DYNLL1: variants seen among roughly 807,000 people sequenced by gnomAD.
DYNLL1 encodes the protein dynein light chain LC8-type 1, also known as dynein light chain 1, cytoplasmic.
In DYNLL1, 3 loss-of-function variants were observed where a neutral mutation model predicts 10.1. The observed-to-expected ratio is 0.30, with a 90% CI of 0.14 to 0.77. The LOEUF (loss-of-function observed/expected upper bound fraction) is 0.77, where lower values mean the gene tolerates loss of function less well. Among genes scored for constraint, DYNLL1 ranks in the 30% least tolerant of loss-of-function variants. DYNLL1 has a pLI of 0.66. For missense variants in DYNLL1, 47 were observed against 111.7 expected (o/e 0.42, Z 2.61); for synonymous variants, 46 against 41.2 (o/e 1.12, Z -0.45).
rs1481700249 is a variant in DYNLL1, at chr12:120,479,465, A to ATAAT, written c.-7+9361_-7+9362insTAAT. Among the ~76,000 whole-genome samples, 178 of 125,024 alleles carry ATAAT rather than the reference A, an allele frequency of 1.4e-3. 1 individual carries two copies. Among genetic ancestry groups the ATAAT allele is most frequent in the African/African-American group, 4.5e-3 (160 of 35,184 alleles). The allele number at this position is 125,024 out of a possible 152,430, so 82.0% of individuals were successfully genotyped here. A position where few individuals can be genotyped will look rare whatever the true frequency, so the allele number is the denominator to read the frequency against. ...CTCCGTCTCCAAAAAAAAAAAAAAA[A>ATAAT]AAAAATAATAATAATAATAATAATA... is the stretch of plus-strand genomic sequence containing the variant. On this transcript the variant is annotated intron_variant, in intron 1 of 2. Coordinates refer to the DYNLL1 transcript ENST00000392509.
intron 1 of DYNLL1, among the ~76,000 whole-genome samples, chr12:120,480,764 C>CTTT (rs770507117): frequency 7.1e-6 from 1 of 141,432 alleles, no homozygotes; most frequent in Admixed American, 7.1e-5. Flanking sequence ...AAGCATTTTT[C>CTTT]TTTTTTTTTT....
upstream of DYNLL1, among the ~76,000 whole-genome samples, chr12:120,494,662 C>T (rs1250248135): frequency 1.3e-5 from 2 of 152,020 alleles, no homozygotes; most frequent in East Asian, 3.9e-4. Context: ...GGCCATATTG[C>T]CCAGGCTGGT....
chr12:120,480,706 C>T (rs972553894), intron 1 of DYNLL1, among the ~76,000 whole-genome samples: 9 of 152,134 alleles, frequency 5.9e-5, no homozygotes, highest in African/African-American at 2.2e-4. Context: ...TGAGTTTATA[C>T]CTCTGAAAGG....
At chr12:120,485,217 AAAATACATAAGT>A (rs943081306) in intron 1 of DYNLL1, among the ~76,000 whole-genome samples, 1 of 148,278 alleles carries the variant, frequency 6.7e-6, no homozygotes. Context: ...CCCATCTTTA[AAAATACATAAGT>A]AAATAGTTAT....
At chr12:120,495,629 G>A (rs1195394338), upstream of DYNLL1, among the ~76,000 whole-genome samples, 1 of 148,958 alleles carries the variant, frequency 6.7e-6, no homozygotes, top group East Asian at 2.0e-4. Flanking sequence ...TTCAGTAAAG[G>A]GAGAGGCCAC....
At chr12:120,490,874 G>A (rs1879110083) in intron 1 of DYNLL1, 1 of 152,220 alleles carries the variant, frequency 6.6e-6, no homozygotes, top group Non-Finnish European at 1.5e-5. Context: ...CTAATGATAA[G>A]TGGTAGCTAG....
At chr12:120,470,359 T>C (rs1474197198) in intron 1 of DYNLL1, among the ~76,000 whole-genome samples, 1 of 152,122 alleles carries the variant, frequency 6.6e-6, no homozygotes, top group Non-Finnish European at 1.5e-5. Context: ...TACTGAGTCC[T>C]TATGGAGCTC....
At chr12:120,472,079 A>G (rs924819660) in intron 1 of DYNLL1, among the ~76,000 whole-genome samples, 1 of 152,192 alleles carries the variant, frequency 6.6e-6, no homozygotes, top group Admixed American at 6.5e-5. Flanking sequence ...CATGTTTTTA[A>G]TATGACAGAG....
upstream of DYNLL1, among the ~76,000 whole-genome samples, chr12:120,492,469 A>C (rs922177489): frequency 3.9e-5 from 6 of 152,208 alleles, no homozygotes. The surrounding 1 kb of genome is among the most constrained non-coding windows in gnomAD (Gnocchi z 4.1). Context: ...CGGGAGGCTG[A>C]GGCAGGAGAA....
upstream of DYNLL1, chr12:120,494,015 G>A (rs1255332909): frequency 6.6e-6 from 1 of 152,066 alleles, no homozygotes; most frequent in Non-Finnish European, 1.5e-5. Context: ...GTAGTGTAGT[G>A]TAGATATGGA....
upstream of DYNLL1, among the ~76,000 whole-genome samples, chr12:120,494,309 C>T (rs1324120656): frequency 1.6e-4 from 23 of 147,076 alleles, no homozygotes; most frequent in African/African-American, 4.8e-4. Context: ...TTTTTTGAGA[C>T]GGAGTTGCCC....
At chr12:120,479,726 G>C (rs1303861934) in intron 1 of DYNLL1, among the ~76,000 whole-genome samples, 2 of 152,108 alleles carry the variant, frequency 1.3e-5, no homozygotes, top group African/African-American at 4.8e-5. Flanking sequence ...GGAGGACAGA[G>C]GCAAGCTTGG....
intron 1 of DYNLL1, among the ~76,000 whole-genome samples, chr12:120,483,370 A>C (rs1039408604): frequency 6.6e-6 from 1 of 151,810 alleles, no homozygotes; most frequent in Admixed American, 6.6e-5. Context: ...AGAAGAGCGA[A>C]GGTGGTGAGA....
chr12:120,496,454 G>T lies in DYNLL1; in HGVS notation c.33G>T (p.Ala11=). The part of the protein sequence containing the change: MCDRKAVIKN[A]DMSEEMQQDS... ...ACCGAAAGGCCGTGATCAAAAATGC[G>T]GACATGTCGGAAGAGATGCAACAGG... The change falls in exon 2 of 3, where the codon GCG becomes GCT. Residue 11 remains alanine (A), a synonymous_variant. Transcript: ENST00000242577. The T allele has an allele frequency of 6.2e-7, 1 of 1,613,860 alleles. No individual in the cohort carries two copies. The highest frequency in any genetic ancestry group is 1.6e-4 in the Middle Eastern group (1 of 6,062).
chr12:120,481,983 G>T (rs1878888751), intron 1 of DYNLL1, among the ~76,000 whole-genome samples: 1 of 152,166 alleles, frequency 6.6e-6, no homozygotes. Context: ...CAGAGTGTTG[G>T]GATTATGGGT....
upstream of DYNLL1, chr12:120,493,757 G>T (rs145016982): frequency 3.4e-5 from 5 of 149,248 alleles, no homozygotes; most frequent in Non-Finnish European, 5.9e-5. Context: ...GACTACAGGC[G>T]CTCACCACCA....
At chr12:120,480,948 A>G (rs1022984317) in intron 1 of DYNLL1, among the ~76,000 whole-genome samples, 6 of 151,762 alleles carry the variant, frequency 4.0e-5, no homozygotes, top group Admixed American at 1.3e-4. Context: ...TTTAGTAGAC[A>G]TGGGGTTTCA....
upstream of DYNLL1, among the ~76,000 whole-genome samples, chr12:120,494,539 G>A (rs866962369): frequency 6.6e-6 from 1 of 152,116 alleles, no homozygotes; most frequent in African/African-American, 2.4e-5. Context: ...GCCTCCCAAA[G>A]TGCTGGGATT....
At chr12:120,478,998 T>C (rs902949076) in intron 1 of DYNLL1, among the ~76,000 whole-genome samples, 2 of 146,352 alleles carry the variant, frequency 1.4e-5, no homozygotes, top group African/African-American at 2.5e-5. Flanking sequence ...AAACTGTCTC[T>C]ATTAAAAATA....
Sources: gnomAD v4.1 joint callset for allele counts (sites outside exome capture counted in the v4.1 genomes callset) on GRCh38, gnomAD v4.1.1 for gene constraint, Gnocchi (gnomAD v3.1) non-coding constraint, MANE v1.5 for transcripts, NCBI Gene and HGNC (gene_info 2026-07-23, HGNC 2026-07-21) for gene names.